The following FYN variants were observed in gnomAD, a reference collection of about 807,000 sequenced individuals.
The protein encoded by FYN is tyrosine-protein kinase Fyn.
In FYN, 10 loss-of-function variants were observed where a neutral mutation model predicts 70.2. That is an observed-to-expected ratio of 0.14 (90% CI 0.09 to 0.24). FYN has a LOEUF of 0.24. Among genes scored for constraint, FYN ranks in the 10% least tolerant of loss-of-function variants. FYN has a pLI of 1.00. For missense variants in FYN, 319 were observed against 673.1 expected, an observed-to-expected ratio of 0.47 and a Z score of 5.82; for synonymous variants, 236 against 248.6, an observed-to-expected ratio of 0.95 and a Z score of 0.48.
chr6:111,717,956 T>C (rs925725245), intron 4 of FYN, among the ~76,000 whole-genome samples: 4 of 152,236 alleles, frequency 2.6e-5, no homozygotes, highest in African/African-American at 7.2e-5. Context: ...ATTTGGCAAC[T>C]TTCCTTCTTT....
intron 2 of FYN, among the ~76,000 whole-genome samples, chr6:111,808,348 A>C (rs765477612): frequency 2.6e-5 from 4 of 152,162 alleles, no homozygotes; most frequent in Non-Finnish European, 5.9e-5. Context: ...TTGAGGGGGA[A>C]ACAGGTAGGG....
chr6:111,700,991 A>G (rs1325519131), intron 8 of FYN, among the ~76,000 whole-genome samples: 4 of 152,160 alleles, frequency 2.6e-5, no homozygotes, highest in Non-Finnish European at 5.9e-5. Context: ...TTAAAAAAAA[A>G]AAAACAACTT....
chr6:111,844,311 A>G (rs931346930), intron 2 of FYN, among the ~76,000 whole-genome samples: 1 of 152,262 alleles, frequency 6.6e-6, no homozygotes, highest in African/African-American at 2.4e-5. Context: ...AAAAATCCAC[A>G]TGAAGAACAA....
At chr6:111,687,610 GTGT>G (rs1562470766) in intron 12 of FYN, among the ~76,000 whole-genome samples, 48 of 144,270 alleles carry the variant, frequency 3.3e-4, no homozygotes, top group African/African-American at 7.4e-4. Flanking sequence ...GGGTGGGTGT[GTGT>G]GTGTGTGTGT....
chr6:111,796,362 T>C (rs1238712550), intron 2 of FYN, among the ~76,000 whole-genome samples: 1 of 152,238 alleles, frequency 6.6e-6, no homozygotes, highest in Admixed American at 6.5e-5. Flanking sequence ...ATATTTACCA[T>C]TGTGTTATAA....
chr6:111,688,134 T>G (rs562498281), intron 12 of FYN, among the ~76,000 whole-genome samples: 1 of 152,184 alleles, frequency 6.6e-6, no homozygotes, highest in African/African-American at 2.4e-5. Context: ...TTCTACTAAT[T>G]GTCTTCTTGA....
At chr6:111,792,470 T>C (rs1409775148) in intron 2 of FYN, among the ~76,000 whole-genome samples, 1 of 152,150 alleles carries the variant, frequency 6.6e-6, no homozygotes, top group East Asian at 1.9e-4. Context: ...CCAGAGCCTA[T>C]CCTACAGAAA....
intron 3 of FYN, among the ~76,000 whole-genome samples, chr6:111,745,948 G>A (rs531090018): frequency 6.6e-6 from 1 of 152,274 alleles, no homozygotes; most frequent in East Asian, 1.9e-4. Context: ...TAATCTCCTG[G>A]GAAAAGGAAG....
At chr6:111,675,221 T>C (rs888612691) in intron 12 of FYN, among the ~76,000 whole-genome samples, 16 of 152,184 alleles carry the variant, frequency 1.1e-4, no homozygotes, top group African/African-American at 3.4e-4. Flanking sequence ...CCTGGGATAG[T>C]TTTTTCTTCC....
intron 2 of FYN, among the ~76,000 whole-genome samples, chr6:111,790,516 G>A (rs1771578908): frequency 6.6e-6 from 1 of 152,016 alleles, no homozygotes; most frequent in Admixed American, 6.6e-5. Flanking sequence ...TCCAGCCCAC[G>A]TGCACGTTCT....
intron 12 of FYN, among the ~76,000 whole-genome samples, chr6:111,692,854 C>T (rs1427369838): frequency 6.6e-6 from 1 of 152,222 alleles, no homozygotes; most frequent in Non-Finnish European, 1.5e-5. Context: ...GCTCACCTTG[C>T]CTCAAATTCA....
intron 2 of FYN, among the ~76,000 whole-genome samples, chr6:111,835,037 T>C (rs1032043244): frequency 1.3e-5 from 2 of 152,220 alleles, no homozygotes; most frequent in Admixed American, 1.3e-4. Flanking sequence ...GGCCTGAATT[T>C]AGACAAAATA....
intron 3 of FYN, among the ~76,000 whole-genome samples, chr6:111,747,467 A>G (rs78502198): frequency 0.011 from 1,709 of 152,370 alleles, 24 homozygotes; most frequent in African/African-American, 0.037. Flanking sequence ...TAAAAAGTGT[A>G]TTCTGTCTTC....
intron 2 of FYN, among the ~76,000 whole-genome samples, chr6:111,844,312 T>C (rs1773454058): frequency 6.6e-6 from 1 of 152,212 alleles, no homozygotes; most frequent in Non-Finnish European, 1.5e-5. Flanking sequence ...AAAATCCACA[T>C]GAAGAACAAA....
intron 3 of FYN, among the ~76,000 whole-genome samples, chr6:111,743,801 G>A (rs1032975760): frequency 6.6e-6 from 1 of 152,178 alleles, no homozygotes; most frequent in Non-Finnish European, 1.5e-5. Context: ...GGTCTCCTTG[G>A]TGCAGCAAAT....
chr6:111,859,288 G>A (rs1403756325), intron 1 of FYN, among the ~76,000 whole-genome samples: 3 of 152,130 alleles, frequency 2.0e-5, no homozygotes, highest in African/African-American at 4.8e-5. Context: ...CTAAGTCACC[G>A]CAAGGCCAGA....
chr6:111,763,758 GA>G (rs1461213321), intron 3 of FYN, among the ~76,000 whole-genome samples: 4 of 152,100 alleles, frequency 2.6e-5, no homozygotes, highest in Non-Finnish European at 5.9e-5. Flanking sequence ...AGCTTAGGGG[GA>G]AAAGCATGCT....
At position 111,694,826 on chromosome 6, in the gene FYN, G is replaced by A; in HGVS notation, c.1043-122C>T. Reference sequence around the variant, plus strand: ...CAAATGGAATAATGCCATCCACATGGGGGGACAAAAAGGTTTATATAAAAA... The same window carrying A: ...CAAATGGAATAATGCCATCCACATGAGGGGACAAAAAGGTTTATATAAAAA... On this transcript the variant is annotated intron_variant, in intron 10 of 13. Transcript: ENST00000354650. This position sits in a 1 kb window ranked among gnomAD's most constrained non-coding sequence, Gnocchi z 5.0. The A allele has an allele frequency of 1.3e-6, 1 of 784,578 alleles. No individual in the cohort carries two copies. The highest frequency in any genetic ancestry group is 2.0e-6 in the Non-Finnish European group (1 of 497,660). The allele number at this position is 784,578 out of a possible 1,614,324, so 48.6% of individuals were successfully genotyped here.
At chr6:111,848,895 A>T (rs1359420099) in intron 1 of FYN, among the ~76,000 whole-genome samples, 2 of 152,258 alleles carry the variant, frequency 1.3e-5, no homozygotes, top group Non-Finnish European at 1.5e-5. Flanking sequence ...AAATTGACCA[A>T]TTATCTTCCT....
Sources: gnomAD v4.1 joint callset for allele counts (sites outside exome capture counted in the v4.1 genomes callset) on GRCh38, gnomAD v4.1.1 for gene constraint, Gnocchi (gnomAD v3.1) non-coding constraint, MANE v1.5 for transcripts, NCBI Gene and HGNC (gene_info 2026-07-23, HGNC 2026-07-21) for gene names.